The following TENM1 variants were observed in gnomAD, a reference collection of about 807,000 sequenced individuals.
TENM1 encodes the protein teneurin transmembrane protein 1.
TENM1 carries 35 observed loss-of-function variants against 174.8 expected under a neutral mutation model. That is an observed-to-expected ratio of 0.20 (90% confidence interval 0.15 to 0.27). TENM1 has a LOEUF of 0.27. Among genes scored for constraint, TENM1 ranks in the 10% least tolerant of loss-of-function variants. TENM1 has a pLI of 1.00. For missense variants in TENM1, 1,633 were observed against 2,130.1 expected, an observed-to-expected ratio of 0.77 and a Z score of 4.59; for synonymous variants, 781 against 798.7, an observed-to-expected ratio of 0.98 and a Z score of 0.37.
At chrX:124,652,813 T>C (rs778281251) in intron 7 of TENM1, among the ~76,000 whole-genome samples, 86 of 112,479 alleles carry the variant, frequency 7.6e-4, no homozygotes, top group Non-Finnish European at 1.4e-3. Context: ...ACATGTTTCC[T>C]TGAACATTTA....
At chrX:124,927,058 T>C (rs1233303677) in intron 1 of TENM1, among the ~76,000 whole-genome samples, 1 of 112,033 alleles carries the variant, frequency 8.9e-6, no homozygotes, top group Non-Finnish European at 1.9e-5. Flanking sequence ...ATATCTGGCA[T>C]ATTATACTTA....
chrX:124,813,080 T>C (rs908575115), intron 3 of TENM1, among the ~76,000 whole-genome samples: 4 of 111,387 alleles, frequency 3.6e-5, no homozygotes, highest in Non-Finnish European at 7.6e-5. Context: ...CTACTTTACT[T>C]AATATATAAA....
the TENM1 span, among the ~76,000 whole-genome samples, chrX:125,157,160 T>G: frequency 8.9e-6 from 1 of 112,459 alleles, no homozygotes; most frequent in East Asian, 2.8e-4. Flanking sequence ...GTTGTCTTTA[T>G]TTTTTAAAAC....
intron 11 of TENM1, among the ~76,000 whole-genome samples, chrX:124,588,619 C>T (rs181792011): frequency 0.011 from 1,228 of 109,984 alleles, 20 homozygotes; most frequent in African/African-American, 0.038. Context: ...GTGCAGCACA[C>T]CAGCATGGCA....
At chrX:125,056,192 C>T in the TENM1 span, among the ~76,000 whole-genome samples, 1 of 111,029 alleles carries the variant, frequency 9.0e-6, no homozygotes, top group Non-Finnish European at 1.9e-5. Flanking sequence ...ATTCTAAATT[C>T]CTGTACTGGT....
intron 25 of TENM1, among the ~76,000 whole-genome samples, chrX:124,419,621 A>C (rs1206668083): frequency 4.5e-5 from 5 of 112,125 alleles, no homozygotes; most frequent in Non-Finnish European, 1.9e-5. Context: ...TTAGTTCCCC[A>C]TTAAACAAAG....
chrX:124,975,686 G>C, the TENM1 span, among the ~76,000 whole-genome samples: 1 of 111,573 alleles, frequency 9.0e-6, no homozygotes, highest in African/African-American at 3.3e-5. Flanking sequence ...CTAAAGACTA[G>C]ACTGAAAAGG....
chrX:125,196,951 G>T, the TENM1 span, among the ~76,000 whole-genome samples: 1 of 111,170 alleles, frequency 9.0e-6, no homozygotes, highest in Non-Finnish European at 1.9e-5. Flanking sequence ...GGGGCATAGG[G>T]ATTGCAATAT....
the TENM1 span, among the ~76,000 whole-genome samples, chrX:125,116,223 T>C: frequency 7.1e-5 from 8 of 111,896 alleles, no homozygotes; most frequent in African/African-American, 2.6e-4. Flanking sequence ...TTACACCTTA[T>C]ACAAAAATTA....
At position 124,892,423 on chromosome X, in the gene TENM1, A is replaced by G. The variant is rs781253103; in HGVS notation, c.535+1873T>C. On this transcript the variant is annotated intron_variant, in intron 3 of 31. Transcript: ENST00000422452. ...AAATGTCAGAGACATAAATTCAATT[A>G]AGGGCAACCAAACAGAGTTAAGGAA... Among the ~76,000 whole-genome samples, 4 of 111,781 alleles carry G rather than the reference A, an allele frequency of 3.6e-5. No homozygotes were observed. The South Asian group carries it at 1.5e-3, about 42-fold the overall frequency.
intron 22 of TENM1, among the ~76,000 whole-genome samples, chrX:124,478,591 A>G (rs766035829): frequency 2.7e-5 from 3 of 112,403 alleles, no homozygotes; most frequent in Non-Finnish European, 5.6e-5. Context: ...GAACCTTCCT[A>G]TAATTGCAAT....
intron 20 of TENM1, among the ~76,000 whole-genome samples, chrX:124,494,637 T>G (rs1377156340): frequency 9.2e-6 from 1 of 108,390 alleles, no homozygotes; most frequent in Non-Finnish European, 1.9e-5. Flanking sequence ...GCATTAGGTA[T>G]ATCTCCCAAT....
intron 5 of TENM1, among the ~76,000 whole-genome samples, chrX:124,697,706 C>T (rs961655985): frequency 9.0e-6 from 1 of 111,220 alleles, no homozygotes; most frequent in African/African-American, 3.3e-5. Flanking sequence ...TACATTTTAA[C>T]ATAAATGACA....
intron 3 of TENM1, among the ~76,000 whole-genome samples, chrX:124,893,319 A>T (rs763375401): frequency 8.9e-6 from 1 of 112,695 alleles, no homozygotes; most frequent in African/African-American, 3.2e-5. Context: ...CTTGGAAAAT[A>T]ATCCATTGCA....
rs369402472 is a variant in TENM1 at position 124,407,515 on chromosome X, C to A, written c.4983-1026G>T. Among the ~76,000 whole-genome samples, 14 of 112,493 alleles carry A rather than the reference C, an allele frequency of 1.2e-4. No individual in the cohort carries two copies. In the East Asian group the frequency reaches 3.3e-3, roughly 27 times the overall value. On this transcript the variant is annotated intron_variant, in intron 25 of 31. Coordinates refer to ENST00000422452, the Ensembl canonical transcript of TENM1. ...GCCTGGACACAATGGTAGAGACTGG[C>A]TGTACTACTCCCTCCCCCAACGATT...
At chrX:124,919,231 C>T (rs765307355) in intron 1 of TENM1, among the ~76,000 whole-genome samples, 1 of 111,877 alleles carries the variant, frequency 8.9e-6, no homozygotes, top group Non-Finnish European at 1.9e-5. Context: ...ACAGACAGAT[C>T]ACAATGGCCA....
chrX:124,403,641 C>T (rs1415578925), intron 27 of TENM1, among the ~76,000 whole-genome samples: 4 of 111,280 alleles, frequency 3.6e-5, no homozygotes, highest in African/African-American at 1.3e-4. Context: ...TTGGGGGTTG[C>T]ACTTCCACAA....
chrX:124,497,400 A>G, intron 19 of TENM1, 135 bp from the exon 23 acceptor site: 1 of 592,341 alleles, frequency 1.7e-6, no homozygotes, highest in Non-Finnish European at 2.6e-6. Flanking sequence ...CCTGAGAGTG[A>G]AACACACACT....
chrX:124,618,818 T>C (rs1178874158), intron 11 of TENM1, among the ~76,000 whole-genome samples: 1 of 112,599 alleles, frequency 8.9e-6, no homozygotes, highest in African/African-American at 3.2e-5. Context: ...CAGTGGCTCA[T>C]GCCTGTAATC....
Sources: gnomAD v4.1 joint callset for allele counts (sites outside exome capture counted in the v4.1 genomes callset) on GRCh38, gnomAD v4.1.1 for gene constraint, MANE v1.5 for transcripts, NCBI Gene and HGNC (gene_info 2026-07-23, HGNC 2026-07-21) for gene names.